OSBPL10: variants seen among roughly 807,000 people sequenced by gnomAD.
OSBPL10 encodes the protein oxysterol binding protein like 10, also known as oxysterol-binding protein-related protein 10.
OSBPL10 carries 49 observed loss-of-function variants against 81.7 expected under a neutral mutation model. The ratio of observed to expected loss-of-function variants is 0.60; its 90% confidence interval spans 0.48 to 0.76. The LOEUF (loss-of-function observed/expected upper bound fraction) is 0.76, where lower values mean the gene tolerates loss of function less well. Ranked by LOEUF, OSBPL10 falls within the 30% of genes least tolerant of loss-of-function variation. OSBPL10 has a pLI of 0.00. For synonymous variants in OSBPL10, 419 were observed against 383.6 expected (o/e 1.09, Z -1.08); for missense variants, 923 against 987.8 (o/e 0.93, Z 0.88).
In OSBPL10 at chr3:31,664,086, A is replaced by G; in HGVS notation, c.2243T>C (p.Ile748Thr). 2 of 1,614,090 alleles carry G rather than the reference A, an allele frequency of 1.2e-6. No homozygotes were observed. Among genetic ancestry groups the G allele is most frequent in the Non-Finnish European group, 1.7e-6 (2 of 1,180,008 alleles). Residue 748 changes from isoleucine (I) to threonine (T), a missense_variant, in exon 11 of 12, where the codon ATC (isoleucine) becomes ACC (threonine). Physicochemically the swap from Ile to Thr is moderately conservative, Grantham distance 89. Coordinates refer to ENST00000396556, the MANE Select transcript of OSBPL10 (RefSeq NM_017784.5). ...GACAGGCGGCAGAGTTACCTCCTGG[A>G]TAAAATATTTGGGCTTCCATGGTGT... ...LRTPWKPKYF[I>T]QEGDGWVYFN...
At position 31,664,121 on chromosome 3, in the gene OSBPL10, CTCGCGCTTCCGT is replaced by C; in HGVS notation, c.2196_2207del (p.Arg733_Glu736del). 1 of 1,614,044 alleles carries C rather than the reference CTCGCGCTTCCGT, an allele frequency of 6.2e-7. No homozygotes were observed. Among genetic ancestry groups the C allele is most frequent in the Non-Finnish European group, 8.5e-7 (1 of 1,180,022 alleles). The stretch of plus-strand genomic sequence containing the variant: ...TGGGCTTCCATGGTGTGCGGAGGTT[CTCGCGCTTCCGT>C]TCCTCCACCCGTTGCTTCTCCTCCA... On this transcript the variant is annotated inframe_deletion, in exon 11 of 12. Transcript: ENST00000396556.
intron 4 of OSBPL10, among the ~76,000 whole-genome samples, chr3:31,825,247 C>CA (rs1481980728): frequency 2.0e-5 from 3 of 152,108 alleles, no homozygotes; most frequent in Non-Finnish European, 4.4e-5. Context: ...GAGTGATTGA[C>CA]AATGGCAATG....
At chr3:31,949,250 T>C (rs899548419) in intron 1 of OSBPL10, among the ~76,000 whole-genome samples, 2 of 152,154 alleles carry the variant, frequency 1.3e-5, no homozygotes, top group African/African-American at 4.8e-5. Flanking sequence ...AGGAGACAAG[T>C]TAAAATAGCA....
At chr3:31,760,898 C>A (rs1277246321) in intron 4 of OSBPL10, among the ~76,000 whole-genome samples, 1 of 152,120 alleles carries the variant, frequency 6.6e-6, no homozygotes, top group African/African-American at 2.4e-5. Flanking sequence ...GTTCAACAAA[C>A]TCTCTGTATC....
At chr3:31,671,275 G>T (rs1700317438) in intron 8 of OSBPL10, among the ~76,000 whole-genome samples, 2 of 152,314 alleles carry the variant, frequency 1.3e-5, no homozygotes, top group South Asian at 4.1e-4. Flanking sequence ...GGAGGGCAAG[G>T]TGGCCAGCAC....
chr3:31,821,836 T>C (rs1406330162), intron 4 of OSBPL10, among the ~76,000 whole-genome samples: 1 of 152,208 alleles, frequency 6.6e-6, no homozygotes, highest in Non-Finnish European at 1.5e-5. Flanking sequence ...TACCTTAAAA[T>C]TGATCAGCTA....
chr3:31,901,080 G>A (rs372302374), intron 1 of OSBPL10, among the ~76,000 whole-genome samples: 1 of 152,330 alleles, frequency 6.6e-6, no homozygotes, highest in South Asian at 2.1e-4. Flanking sequence ...TTTATGTAAT[G>A]TCTTTTCAGC....
At chr3:31,718,151 A>T (rs1432758416) in intron 6 of OSBPL10, 9 of 151,440 alleles carry the variant, frequency 5.9e-5, no homozygotes, top group Non-Finnish European at 1.0e-4. Flanking sequence ...CTTTTGAGAC[A>T]AAGTCTCACT....
chr3:31,772,461 T>C (rs751371329), intron 4 of OSBPL10, among the ~76,000 whole-genome samples: 2 of 152,218 alleles, frequency 1.3e-5, no homozygotes, highest in Non-Finnish European at 2.9e-5. Context: ...AAACAACTCA[T>C]CTTGGTGGAT....
intron 6 of OSBPL10, among the ~76,000 whole-genome samples, chr3:31,720,778 T>A (rs1480888683): frequency 4.0e-5 from 6 of 148,944 alleles, no homozygotes; most frequent in African/African-American, 1.5e-4. Context: ...TGGGTGCCTG[T>A]AATCCTAGCT....
chr3:31,789,711 G>A (rs1698963997), intron 4 of OSBPL10, among the ~76,000 whole-genome samples: 1 of 152,200 alleles, frequency 6.6e-6, no homozygotes, highest in Non-Finnish European at 1.5e-5. Flanking sequence ...GGCAACGGAG[G>A]CCAGGCCACA....
At chr3:32,003,055 G>T (rs1699167199) in intron 2 of OSBPL10, among the ~76,000 whole-genome samples, 1 of 152,232 alleles carries the variant, frequency 6.6e-6, no homozygotes, top group Non-Finnish European at 1.5e-5. Context: ...GAACGAAAGT[G>T]GGAAGGAGGA....
chr3:31,997,591 T>A (rs1320919137), intron 2 of OSBPL10, among the ~76,000 whole-genome samples: 8 of 151,586 alleles, frequency 5.3e-5, no homozygotes, highest in Non-Finnish European at 8.8e-5. Flanking sequence ...AAAGGAGAGT[T>A]AGTGAATTAG....
At chr3:32,023,909 G>A (rs1373405622) in intron 2 of OSBPL10, among the ~76,000 whole-genome samples, 1 of 152,096 alleles carries the variant, frequency 6.6e-6, no homozygotes, top group Non-Finnish European at 1.5e-5. Flanking sequence ...ATAATAATAA[G>A]TGGGCCAATT....
intron 8 of OSBPL10, among the ~76,000 whole-genome samples, chr3:31,678,819 TGTGTGTGTGTG>T (rs1700559397): frequency 1.4e-5 from 2 of 142,350 alleles, no homozygotes; most frequent in Non-Finnish European, 3.1e-5. Context: ...TGTGTGTGTG[TGTGTGTGTGTG>T]TAGGAGGGAA....
Position 31,688,277 on chromosome 3 carries a change from T to TCA in OSBPL10, c.1246-4164_1246-4163insTG, listed in dbSNP as rs1451338254. On this transcript the variant is annotated intron_variant, in intron 7 of 11. Coordinates refer to ENST00000396556, the MANE Select transcript of OSBPL10 (RefSeq NM_017784.5). ...CCCTCCCTGCACAAATCTCTCTCTC[T>TCA]CTCTCTCACACACACACACACACAC... is the stretch of plus-strand genomic sequence containing the variant. Among the ~76,000 whole-genome samples, 207 of 77,032 alleles carry TCA rather than the reference T, an allele frequency of 2.7e-3. 2 individuals are homozygous for TCA. The highest frequency in any genetic ancestry group is 6.8e-3 in the African/African-American group (196 of 28,786). The allele number at this position is 77,032 out of a possible 152,430, so 50.5% of individuals were successfully genotyped here. A position where few individuals can be genotyped will look rare whatever the true frequency, so the allele number is the denominator to read the frequency against.
intron 6 of OSBPL10, among the ~76,000 whole-genome samples, chr3:31,728,861 T>C (rs1696884903): frequency 6.6e-6 from 1 of 152,194 alleles, no homozygotes; most frequent in African/African-American, 2.4e-5. Flanking sequence ...TTGAATTTTT[T>C]TGGAAGTTGG....
intron 6 of OSBPL10, among the ~76,000 whole-genome samples, chr3:31,723,786 A>G (rs1223469275): frequency 6.6e-6 from 1 of 152,178 alleles, no homozygotes; most frequent in African/African-American, 2.4e-5. Flanking sequence ...CTTCCATAAC[A>G]TTCTTTCTCC....
At chr3:31,784,385 AG>A (rs1449164685) in intron 4 of OSBPL10, among the ~76,000 whole-genome samples, 1 of 151,734 alleles carries the variant, frequency 6.6e-6, no homozygotes, top group Non-Finnish European at 1.5e-5. Context: ...GAAAGGGAAA[AG>A]GAAAAGGAAA....
Sources: gnomAD v4.1 joint callset for allele counts (sites outside exome capture counted in the v4.1 genomes callset) on GRCh38, gnomAD v4.1.1 for gene constraint, MANE v1.5 for transcripts, NCBI Gene and HGNC (gene_info 2026-07-23, HGNC 2026-07-21) for gene names.